DGKA: variants seen among roughly 807,000 people sequenced by gnomAD.
The protein encoded by DGKA is 80 kDa diacylglycerol kinase.
A neutral mutation model predicts 105.0 loss-of-function variants in DGKA; 35 were observed. That is an observed-to-expected ratio of 0.33 (90% CI 0.25 to 0.44). The LOEUF (loss-of-function observed/expected upper bound fraction) is 0.44. Among genes scored for constraint, DGKA ranks in the 20% least tolerant of loss-of-function variants. The probability of loss-of-function intolerance (pLI) is 1.00; values close to 1 mark genes in which losing one functional copy is unlikely to be tolerated. For missense variants in DGKA, 665 were observed against 915.0 expected (o/e 0.73, Z 3.53); for synonymous variants, 296 against 332.0 (o/e 0.89, Z 1.18).
At chr12:55,928,023 C>T, upstream of DGKA, 1 of 524,610 alleles carries the variant, frequency 1.9e-6, no homozygotes, top group Non-Finnish European at 3.4e-6. Flanking sequence ...ATAATCCGGT[C>T]CCGTAGTGTC....
intron 17 of DGKA, among the ~76,000 whole-genome samples, chr12:55,945,990 G>A (rs1030566325): frequency 2.0e-5 from 3 of 151,964 alleles, no homozygotes; most frequent in Admixed American, 6.6e-5. Flanking sequence ...GTTTCACCGT[G>A]CTGCCCATGC....
At chr12:55,951,943 C>A (rs992456882) in intron 18 of DGKA, 92 bp from the exon 19 acceptor site, 38 of 1,536,212 alleles carry the variant, frequency 2.5e-5, no homozygotes, top group Non-Finnish European at 3.1e-5. Flanking sequence ...TTGGGACATG[C>A]TGTGGGGAGC....
chr12:55,949,010 G>A (rs1236298459), intron 17 of DGKA, among the ~76,000 whole-genome samples: 4 of 151,176 alleles, frequency 2.6e-5, no homozygotes, highest in East Asian at 3.9e-4. Context: ...CAACAGAGCC[G>A]GACTCCATCT....
intron 22 of DGKA, 41 bp from the exon 23 acceptor site, chr12:55,953,309 G>A (rs775866050): frequency 1.5e-5 from 24 of 1,612,678 alleles, no homozygotes; most frequent in South Asian, 4.4e-5. Flanking sequence ...TTTGGTATTC[G>A]ATTGGTAAGG....
In DGKA at chr12:55,939,223, G is replaced by A. The variant is rs1367946247; in HGVS notation, c.512G>A (p.Gly171Asp). The change falls in exon 8 of 24, where the codon GGC (glycine) becomes GAC (aspartate). Residue 171 changes from glycine (G) to aspartate (D), a missense_variant. Transcript: ENST00000331886. ...QEMMKEIDYD[G>D]SGSVSQAEWV... ...ATGATGAAAGAGATTGACTATGATG[G>A]CAGTGGCTCTGTCTCTCAAGCTGAG... is the stretch of plus-strand genomic sequence containing the variant. 5.0e-6 allele frequency: 8 copies of A among 1,614,090 alleles called. No individual in the cohort carries two copies. Among genetic ancestry groups the A allele is most frequent in the Middle Eastern group, 1.6e-4 (1 of 6,084 alleles).
At chr12:55,927,628 G>A (rs1883219436), upstream of DGKA, 58 of 1,465,186 alleles carry the variant, frequency 4.0e-5, no homozygotes, top group Non-Finnish European at 5.3e-5. Context: ...AGGTGGGGAG[G>A]TCGAATTCGT....
At chr12:55,936,986 A>AT in intron 2 of DGKA, 31 bp from the exon 3 acceptor site, 1 of 1,589,388 alleles carries the variant, frequency 6.3e-7, no homozygotes, top group Non-Finnish European at 8.6e-7. Context: ...TGGACTAATA[A>AT]TGCTGTTCTC....
rs1368479420 is a variant in DGKA at position 55,939,232 on chromosome 12, C to G, written c.521C>G (p.Ser174Cys). The change falls in exon 8 of 24, where the codon TCT becomes TGT. Residue 174 changes from serine (S) to cysteine (C), a missense_variant. By Grantham distance (112) the Ser-to-Cys change is moderately radical (BLOSUM62 -1). This residue lies in a region of DGKA where 504 missense variants were observed against 681.2 expected (regional missense o/e 0.74). Coordinates refer to ENST00000331886, the MANE Select transcript of DGKA (RefSeq NM_001345.5). Reference sequence around the variant, plus strand: ...GAGATTGACTATGATGGCAGTGGCTCTGTCTCTCAAGCTGAGTGGGTCCGG... The same window carrying G: ...GAGATTGACTATGATGGCAGTGGCTGTGTCTCTCAAGCTGAGTGGGTCCGG... Reference protein sequence around the residue: ...MKEIDYDGSGSVSQAEWVRAG... With the variant: ...MKEIDYDGSGCVSQAEWVRAG... 3 of 1,614,206 alleles carry G rather than the reference C, an allele frequency of 1.9e-6. No homozygotes were observed. Among genetic ancestry groups the G allele is most frequent in the East Asian group, 2.2e-5 (1 of 44,892 alleles).
chr12:55,944,318 C>G (rs945385506), intron 17 of DGKA, among the ~76,000 whole-genome samples: 3 of 151,906 alleles, frequency 2.0e-5, no homozygotes, highest in Non-Finnish European at 4.4e-5. Flanking sequence ...AATAAACACA[C>G]AAATAAATAG....
chr12:55,931,081 T>A (rs1883574684), upstream of DGKA: 1 of 152,174 alleles, frequency 6.6e-6, no homozygotes, highest in Non-Finnish European at 1.5e-5. Context: ...GCTTTGTTAC[T>A]CTGCCCCATT....
At chr12:55,936,648 C>T in intron 2 of DGKA, 81 bp downstream of exon 2, 1 of 1,589,152 alleles carries the variant, frequency 6.3e-7, no homozygotes. Flanking sequence ...CCCCCTGCCC[C>T]CCAGCTTCCT....
intron 13 of DGKA, 60 bp from the exon 14 acceptor site, chr12:55,941,192 C>T: frequency 6.5e-7 from 1 of 1,546,058 alleles, no homozygotes; most frequent in African/African-American, 1.4e-5. Context: ...GTCTCCTGGG[C>T]CCACCTTAAC....
chr12:55,930,092 G>C (rs1016258138), upstream of DGKA, among the ~76,000 whole-genome samples: 3 of 152,166 alleles, frequency 2.0e-5, no homozygotes. Context: ...GAGGTGTTAG[G>C]GGACCTATTC....
chr12:55,937,162 G>A (rs113009437), intron 3 of DGKA, 72 bp downstream of exon 3: 8 of 1,527,550 alleles, frequency 5.2e-6, no homozygotes, highest in African/African-American at 1.4e-5. Flanking sequence ...CAACTTCCAG[G>A]AATTATTCTG....
intron 17 of DGKA, chr12:55,942,560 T>TG: frequency 2.6e-6 from 1 of 379,926 alleles, no homozygotes; most frequent in Non-Finnish European, 5.0e-6. Context: ...TGGGGAACAA[T>TG]GTGTGAATAA....
Position 55,940,733 on chromosome 12 carries a change from C to A in DGKA, c.1017+11C>A, listed in dbSNP as rs748702049. ...TATCCCAGTGTCCTGGTGAGACCCT[C>A]GGCAGCAGCGGGGAGGGGACAGGAG... On this transcript the variant is annotated intron_variant, in intron 12 of 23. Coordinates refer to ENST00000331886, the MANE Select transcript of DGKA (RefSeq NM_001345.5). This position sits in a 1 kb window ranked among gnomAD's most constrained non-coding sequence, Gnocchi z 4.3. The A allele has an allele frequency of 1.9e-6, 3 of 1,612,486 alleles. No individual in the cohort carries two copies. Among genetic ancestry groups the A allele is most frequent in the East Asian group, 4.5e-5 (2 of 44,876 alleles).
chr12:55,942,954 AC>A (rs1399250670), intron 17 of DGKA, among the ~76,000 whole-genome samples: 1 of 152,128 alleles, frequency 6.6e-6, no homozygotes, highest in African/African-American at 2.4e-5. Context: ...CCACCAAACA[AC>A]ATGGTGGTGC....
rs1336665321 is a variant in DGKA, at chr12:55,936,028, G to GA, written c.-81-395_-81-394insA. 3 of 991,544 alleles carry GA rather than the reference G, an allele frequency of 3.0e-6. No individual in the cohort carries two copies. The African/African-American group carries it at 5.2e-5, about 17-fold the overall frequency. The allele number at this position is 991,544 out of a possible 1,614,324, so 61.4% of individuals were successfully genotyped here. A position where few individuals can be genotyped will look rare whatever the true frequency, so the allele number is the denominator to read the frequency against. Reference sequence around the variant, plus strand: ...CCCGAGATGGGAGAGAGCTCAGGATGGGGAGAGTCTGCAGAGATTGACGAT... The same window carrying GA: ...CCCGAGATGGGAGAGAGCTCAGGATGAGGGAGAGTCTGCAGAGATTGACGAT... On this transcript the variant is annotated intron_variant, in intron 1 of 23. Transcript: ENST00000331886.
chr12:55,937,654 T>C (rs1033641051), intron 4 of DGKA, 111 bp downstream of exon 4: 1 of 1,415,488 alleles, frequency 7.1e-7, no homozygotes, highest in Non-Finnish European at 9.7e-7. Flanking sequence ...TTGGGGGAAA[T>C]TGGTGGAGAA....
Sources: gnomAD v4.1 joint callset for allele counts (sites outside exome capture counted in the v4.1 genomes callset) on GRCh38, gnomAD v4.1.1 for gene constraint, gnomAD v4.1.1 regional missense constraint, Gnocchi (gnomAD v3.1) non-coding constraint, MANE v1.5 for transcripts, NCBI Gene and HGNC (gene_info 2026-07-23, HGNC 2026-07-21) for gene names.